Variants in OSBPL10 observed in about 807,000 individuals in gnomAD.
OSBPL10 encodes oxysterol binding protein like 10.
A neutral mutation model predicts 81.7 loss-of-function variants in OSBPL10; 49 were observed. That is an observed-to-expected ratio of 0.60 (90% CI 0.48 to 0.76). The LOEUF is 0.76. Among genes scored for constraint, OSBPL10 ranks in the 30% least tolerant of loss-of-function variants. OSBPL10 has a pLI of 0.00. For missense variants in OSBPL10, 923 were observed against 987.8 expected, an observed-to-expected ratio of 0.93 and a Z score of 0.88; for synonymous variants, 419 against 383.6, an observed-to-expected ratio of 1.09 and a Z score of -1.08.
At chr3:31,774,435 T>C (rs1423444839) in intron 4 of OSBPL10, among the ~76,000 whole-genome samples, 2 of 152,158 alleles carry the variant, frequency 1.3e-5, no homozygotes, top group South Asian at 2.1e-4. Context: ...GAAGGTACAG[T>C]GTCTAGCAAC....
chr3:31,766,167 T>C lies in OSBPL10; in HGVS notation c.730-18047A>G, dbSNP rs572482586. 2.6e-5 allele frequency among the ~76,000 whole-genome samples: 4 copies of C among 152,202 alleles called. No homozygotes were observed. In the South Asian group the frequency reaches 8.3e-4, roughly 32 times the overall value. On this transcript the variant is annotated intron_variant, in intron 4 of 11. Transcript: ENST00000396556. The stretch of plus-strand genomic sequence containing the variant: ...GATGAGAGAAAGTGAGTTTACGTTA[T>C]TGGCTCTGGGTCACATGCCTGCCTG...
In OSBPL10 at chr3:31,816,386, C is replaced by G. The variant is rs74772572; in HGVS notation, c.729+13654G>C. Among the ~76,000 whole-genome samples, 981 of 152,292 alleles carry G rather than the reference C, an allele frequency of 6.4e-3. 13 individuals carry two copies. The highest frequency in any genetic ancestry group is 0.023 in the African/African-American group (949 of 41,558). ...GGCCCCACAGTGTGTGTGCAAGAAC[C>G]AAGCCTGCTTGACAGGTGATAGTCA... On this transcript the variant is annotated intron_variant, in intron 4 of 11. Transcript: ENST00000396556.
chr3:31,940,957 A>C (rs1192285990), intron 1 of OSBPL10, among the ~76,000 whole-genome samples: 3 of 152,114 alleles, frequency 2.0e-5, no homozygotes, highest in Non-Finnish European at 4.4e-5. Flanking sequence ...ATCTTAAAAA[A>C]GGCTTGTGCT....
At chr3:31,818,920 G>A (rs1189696623) in intron 4 of OSBPL10, among the ~76,000 whole-genome samples, 20 of 152,220 alleles carry the variant, frequency 1.3e-4, no homozygotes, top group Non-Finnish European at 2.9e-5. Flanking sequence ...AAAATCACTA[G>A]TGAGTAGGGT....
At chr3:31,871,516 C>T (rs1294248289) in intron 3 of OSBPL10, among the ~76,000 whole-genome samples, 2 of 152,228 alleles carry the variant, frequency 1.3e-5, no homozygotes, top group Non-Finnish European at 2.9e-5. Context: ...CCACCAATTC[C>T]GGACACACTG....
intron 1 of OSBPL10, among the ~76,000 whole-genome samples, chr3:31,976,367 C>T (rs949436248): frequency 6.6e-6 from 1 of 152,204 alleles, no homozygotes; most frequent in South Asian, 2.1e-4. Context: ...AAGCCCAGTG[C>T]AATTAAAGAG....
chr3:31,733,422 G>T lies in OSBPL10; in HGVS notation c.941-11C>A. The T allele has an allele frequency of 6.2e-7, 1 of 1,614,116 alleles. No homozygotes were observed. ...ATCCCAGGATGTTTTCTGAAATAAA[G>T]ACCTAGAATGATGCCAAGTATTTTC... On this transcript the variant is annotated splice_polypyrimidine_tract_variant and intron_variant, in intron 5 of 11. Coordinates refer to ENST00000396556, the MANE Select transcript of OSBPL10 (RefSeq NM_017784.5).
At chr3:31,766,036 T>C (rs748591605) in intron 4 of OSBPL10, among the ~76,000 whole-genome samples, 92 of 151,526 alleles carry the variant, frequency 6.1e-4, no homozygotes, top group Non-Finnish European at 1.0e-3. Context: ...TTTTCACACC[T>C]TTCTCTCCTC....
chr3:31,910,296 C>T (rs1457258117), intron 1 of OSBPL10, among the ~76,000 whole-genome samples: 1 of 151,498 alleles, frequency 6.6e-6, no homozygotes, highest in Non-Finnish European at 1.5e-5. Flanking sequence ...GGCCTTTAAA[C>T]AGGAGGGACA....
intron 1 of OSBPL10, among the ~76,000 whole-genome samples, chr3:31,967,096 G>C (rs1264073392): frequency 6.6e-6 from 1 of 151,252 alleles, no homozygotes; most frequent in African/African-American, 2.4e-5. Context: ...TAAATAACAT[G>C]TTCCATGAGA....
At chr3:31,909,965 C>T (rs889112327) in intron 1 of OSBPL10, among the ~76,000 whole-genome samples, 3 of 150,582 alleles carry the variant, frequency 2.0e-5, no homozygotes, top group Admixed American at 6.6e-5. Flanking sequence ...AATCATTTTG[C>T]ATCCTTGTCT....
At chr3:31,882,248 G>A (rs1695604040) in intron 1 of OSBPL10, among the ~76,000 whole-genome samples, 3 of 152,162 alleles carry the variant, frequency 2.0e-5, no homozygotes. Flanking sequence ...CAGATGGTCT[G>A]GCCAAGACTA....
At chr3:31,916,092 GT>G (rs1322621996) in intron 1 of OSBPL10, among the ~76,000 whole-genome samples, 5 of 109,036 alleles carry the variant, frequency 4.6e-5, no homozygotes, top group African/African-American at 2.2e-4. Context: ...GTGAAACTCC[GT>G]CTCAAAAAAA....
At chr3:31,856,791 G>A (rs557848428) in intron 3 of OSBPL10, among the ~76,000 whole-genome samples, 49 of 152,318 alleles carry the variant, frequency 3.2e-4, no homozygotes, top group African/African-American at 1.1e-3. Flanking sequence ...ATGTTTTCAT[G>A]TAGGCCAGAC....
intron 1 of OSBPL10, among the ~76,000 whole-genome samples, chr3:31,905,470 C>T (rs1559512582): frequency 1.3e-5 from 2 of 151,388 alleles, no homozygotes; most frequent in African/African-American, 4.9e-5. Context: ...ATGCCTCAGC[C>T]TCCTGAGTAG....
intron 1 of OSBPL10, among the ~76,000 whole-genome samples, chr3:32,069,367 A>G (rs748777526): frequency 2.0e-5 from 3 of 152,150 alleles, no homozygotes; most frequent in African/African-American, 4.8e-5. Context: ...AAGATCCCCA[A>G]TGGAACTACC....
intron 6 of OSBPL10, among the ~76,000 whole-genome samples, chr3:31,715,833 C>G (rs1016793332): frequency 2.0e-5 from 3 of 152,152 alleles, no homozygotes; most frequent in African/African-American, 7.2e-5. Flanking sequence ...TTCTTCTCAT[C>G]TGCGGATGGT....
At chr3:31,989,147 A>G in intron 2 of OSBPL10, 1 of 1,614,204 alleles carries the variant, frequency 6.2e-7, no homozygotes, top group Non-Finnish European at 8.5e-7. Flanking sequence ...CCTCAGGGAC[A>G]CTTGACTTTT....
intron 2 of OSBPL10, among the ~76,000 whole-genome samples, chr3:32,045,693 G>A (rs1425273646): frequency 1.3e-5 from 2 of 152,194 alleles, no homozygotes; most frequent in Admixed American, 6.5e-5. Flanking sequence ...CTGTGGGGGA[G>A]GGGGTGGCTC....
Sources: allele counts gnomAD v4.1 joint callset (sites outside exome capture counted in the v4.1 genomes callset), GRCh38; gene constraint gnomAD v4.1.1; transcripts MANE v1.5; gene names NCBI Gene and HGNC (gene_info 2026-07-23, HGNC 2026-07-21).